The following KMO variants were observed in gnomAD, a reference collection of about 807,000 sequenced individuals.
KMO encodes kynurenine 3-hydroxylase.
KMO carries 24 observed loss-of-function variants against 57.8 expected under a neutral mutation model. That is an observed-to-expected ratio of 0.42 (90% CI 0.30 to 0.58). The LOEUF (loss-of-function observed/expected upper bound fraction) is 0.58. KMO is among the 20% of genes least tolerant of loss of function. KMO has a pLI of 0.22. For synonymous variants in KMO, 210 were observed against 193.6 expected, an observed-to-expected ratio of 1.08 and a Z score of -0.70; for missense variants, 483 against 588.2, an observed-to-expected ratio of 0.82 and a Z score of 1.85.
intron 1 of KMO, among the ~76,000 whole-genome samples, chr1:241,542,954 C>A (rs1285254048): frequency 1.3e-5 from 2 of 152,146 alleles, no homozygotes. Flanking sequence ...CATTACTACC[C>A]CTTCTGGCTG....
intron 10 of KMO, among the ~76,000 whole-genome samples, chr1:241,580,330 A>C (rs1318362811): frequency 1.3e-5 from 2 of 152,068 alleles, no homozygotes; most frequent in Non-Finnish European, 2.9e-5. Flanking sequence ...GCATGCTAAC[A>C]TTGCCTCCAA....
At chr1:241,587,495 C>T (rs1284711628) in intron 11 of KMO, among the ~76,000 whole-genome samples, 3 of 152,118 alleles carry the variant, frequency 2.0e-5, no homozygotes, top group Admixed American at 6.5e-5. Flanking sequence ...GTCACTCCAT[C>T]GCCCAGGCTG....
chr1:241,588,590 G>A lies in KMO; in HGVS notation c.1016-158G>A, dbSNP rs2273710. Among the ~76,000 whole-genome samples the A allele has an allele frequency of 9.4e-3, 1,396 of 148,098 alleles. 16 individuals carry two copies. Among genetic ancestry groups the A allele is most frequent in the East Asian group, 0.062 (302 of 4,880 alleles). On this transcript the variant is annotated intron_variant, in intron 11 of 14. Coordinates refer to ENST00000366559, the MANE Select transcript of KMO (RefSeq NM_003679.5). ...CACAACAGGAAATGCTCTGTGTATT[G>A]TCAATAGTCATAGATTGTTGGTTAT...
Position 241,539,365 on chromosome 1 carries a change from C to T in KMO, c.54+6867C>T, listed in dbSNP as rs907761615. Among the ~76,000 whole-genome samples the T allele has an allele frequency of 1.5e-4, 17 of 114,690 alleles. 1 individual carries two copies. Among genetic ancestry groups the T allele is most frequent in the African/African-American group, 4.5e-4 (9 of 19,878 alleles). 75.2% of individuals were successfully genotyped at this position (114,690 alleles called of 152,430 possible). Reference sequence around the variant, plus strand: ...TGCCACTGCATTCCAGTCTGGGCAACGGAGTGAGACTCCGTCTCAAAAAAA... The same window carrying T: ...TGCCACTGCATTCCAGTCTGGGCAATGGAGTGAGACTCCGTCTCAAAAAAA... On this transcript the variant is annotated intron_variant, in intron 1 of 14. Transcript: ENST00000366559.
chr1:241,592,320 G>T lies in KMO; in HGVS notation c.*167G>T. On this transcript the variant is annotated 3_prime_UTR_variant, in exon 15 of 15. Transcript: ENST00000366559. ...TATGTTAATTGCAATTACTGGTTGG[G>T]GGGTGCATTTTAAAAGATGAAACAT... 1 of 614,174 alleles carries T rather than the reference G, an allele frequency of 1.6e-6. No individual in the cohort carries two copies. The highest frequency in any genetic ancestry group is 2.9e-6 in the Non-Finnish European group (1 of 349,332). 38.0% of individuals were successfully genotyped at this position (614,174 alleles called of 1,614,324 possible). A position where few individuals can be genotyped will look rare whatever the true frequency, so the allele number is the denominator to read the frequency against.
chr1:241,557,870 A>G (rs1661699187), intron 5 of KMO, among the ~76,000 whole-genome samples: 1 of 152,246 alleles, frequency 6.6e-6, no homozygotes, highest in Non-Finnish European at 1.5e-5. Context: ...TACAAAAAGC[A>G]GTACAGCAGA....
intron 1 of KMO, among the ~76,000 whole-genome samples, chr1:241,537,939 G>T (rs892992659): frequency 4.6e-5 from 7 of 152,102 alleles, no homozygotes; most frequent in African/African-American, 1.7e-4. Flanking sequence ...ATATCAACAA[G>T]TTTTGCAGTA....
chr1:241,546,033 G>C (rs891704201), intron 1 of KMO, among the ~76,000 whole-genome samples: 1 of 152,014 alleles, frequency 6.6e-6, no homozygotes, highest in African/African-American at 2.4e-5. Flanking sequence ...TTTCCAGAGA[G>C]GATTTATGTT....
intron 1 of KMO, among the ~76,000 whole-genome samples, chr1:241,539,179 T>C (rs1660862143): frequency 6.6e-6 from 1 of 152,082 alleles, no homozygotes; most frequent in Non-Finnish European, 1.5e-5. Context: ...GCTCAAGAGT[T>C]CGAGACCAGT....
intron 1 of KMO, among the ~76,000 whole-genome samples, chr1:241,545,977 T>A (rs1661132764): frequency 6.6e-6 from 1 of 152,152 alleles, no homozygotes; most frequent in Non-Finnish European, 1.5e-5. Context: ...GATTTGTATA[T>A]TTTAAAATGT....
At chr1:241,572,381 A>G (rs1441649013) in intron 10 of KMO, among the ~76,000 whole-genome samples, 1 of 152,038 alleles carries the variant, frequency 6.6e-6, no homozygotes, top group Non-Finnish European at 1.5e-5. Context: ...GTTGCTCATA[A>G]TAGTCTCTAA....
At position 241,592,207 on chromosome 1, in the gene KMO, A is replaced by G; in HGVS notation, c.*54A>G. On this transcript the variant is annotated 3_prime_UTR_variant, in exon 15 of 15. Coordinates refer to ENST00000366559, the MANE Select transcript of KMO (RefSeq NM_003679.5). Reference sequence around the variant, plus strand: ...GATTTCTCTGTGACCAAAATTAAGCATGAAAAAAATGTTTCCATTGCCATA... The same window carrying G: ...GATTTCTCTGTGACCAAAATTAAGCGTGAAAAAAATGTTTCCATTGCCATA... The G allele has an allele frequency of 7.4e-7, 1 of 1,360,378 alleles. No individual in the cohort carries two copies. The highest frequency in any genetic ancestry group is 1.0e-6 in the Non-Finnish European group (1 of 964,658). The allele number at this position is 1,360,378 out of a possible 1,614,324, so 84.3% of individuals were successfully genotyped here.
At chr1:241,573,899 A>T (rs1003087356) in intron 10 of KMO, among the ~76,000 whole-genome samples, 1 of 151,990 alleles carries the variant, frequency 6.6e-6, no homozygotes, top group Non-Finnish European at 1.5e-5. Flanking sequence ...CAATCCATGA[A>T]CTTGGAATGG....
At position 241,540,842 on chromosome 1, in the gene KMO, T is replaced by C. The variant is rs1353224226; in HGVS notation, c.55-7987T>C. On this transcript the variant is annotated intron_variant, in intron 1 of 14. Transcript: ENST00000366559. ...TGTTTGGGGGGCCGAGGCAGAAGGA[T>C]CACATGAACCCAGGGGTTTGAGACC... 3.3e-5 allele frequency among the ~76,000 whole-genome samples: 5 copies of C among 151,952 alleles called. No individual in the cohort carries two copies. In the East Asian group the frequency reaches 7.7e-4, roughly 23 times the overall value.
chr1:241,562,340 C>CT lies in KMO; in HGVS notation c.615+10dup, dbSNP rs1661879132. 1.2e-6 allele frequency: 2 copies of CT among 1,613,466 alleles called. No individual in the cohort carries two copies. Among genetic ancestry groups the CT allele is most frequent in the African/African-American group, 2.7e-5 (2 of 75,046 alleles). On this transcript the variant is annotated intron_variant, in intron 7 of 14. Coordinates refer to ENST00000366559, the MANE Select transcript of KMO (RefSeq NM_003679.5). ...CCACCTAAGAACGGAGATGTAAGTC[C>CT]TTGCCCTTTTTCAACCCCTTCCCAC...
intron 10 of KMO, among the ~76,000 whole-genome samples, chr1:241,577,064 G>A (rs533783380): frequency 3.3e-5 from 5 of 152,128 alleles, no homozygotes; most frequent in Admixed American, 1.3e-4. Context: ...TTCCTTAAAT[G>A]TGTCTTCCAT....
rs140478660 is a variant in KMO, at chr1:241,537,671, C to T, written c.54+5173C>T. Among the ~76,000 whole-genome samples the T allele has an allele frequency of 5.1e-3, 777 of 152,172 alleles. 9 individuals are homozygous for T. The highest frequency in any genetic ancestry group is 0.017 in the African/African-American group (717 of 41,514). On this transcript the variant is annotated intron_variant, in intron 1 of 14. Coordinates refer to ENST00000366559, the MANE Select transcript of KMO (RefSeq NM_003679.5). ...AAGAGGTTTAATGGACTCAGTTCCACGTGACTGGGGAGGTCTCATGATGAT... is the reference window on the plus strand; with the variant it reads ...AAGAGGTTTAATGGACTCAGTTCCATGTGACTGGGGAGGTCTCATGATGAT...
intron 10 of KMO, among the ~76,000 whole-genome samples, chr1:241,571,001 T>G (rs1244864551): frequency 6.6e-6 from 1 of 152,156 alleles, no homozygotes; most frequent in Non-Finnish European, 1.5e-5. Context: ...CTTTCACTTC[T>G]CTGGTTAATT....
At position 241,593,729 on chromosome 1, in the gene KMO, A is replaced by C. The variant is rs1035659510; in HGVS notation, c.*1576A>C. The C allele has an allele frequency of 3.9e-5, 6 of 155,132 alleles. No homozygotes were observed. Among genetic ancestry groups the C allele is most frequent in the Non-Finnish European group, 8.6e-5 (6 of 69,882 alleles). 9.6% of individuals were successfully genotyped at this position (155,132 alleles called of 1,614,324 possible). On this transcript the variant is annotated 3_prime_UTR_variant, in exon 15 of 15. Transcript: ENST00000366559. Reference sequence around the variant, plus strand: ...ACTCCCTGGCTTATATAGCATCGACAAAGAACAGTAAATTTTTAGAGAAAC... The same window carrying C: ...ACTCCCTGGCTTATATAGCATCGACCAAGAACAGTAAATTTTTAGAGAAAC...
Sources: allele counts gnomAD v4.1 joint callset (sites outside exome capture counted in the v4.1 genomes callset), GRCh38; gene constraint gnomAD v4.1.1; transcripts MANE v1.5; gene names NCBI Gene and HGNC (gene_info 2026-07-23, HGNC 2026-07-21).